The following SLC15A2 variants were observed in gnomAD, a reference collection of about 807,000 sequenced individuals.
SLC15A2 encodes kidney H(+)/peptide cotransporter.
Under a neutral mutation model 95.5 loss-of-function variants are expected in SLC15A2, and 77 were observed. The ratio of observed to expected loss-of-function variants is 0.81; its 90% CI spans 0.67 to 0.97. The LOEUF (loss-of-function observed/expected upper bound fraction) is 0.97. SLC15A2 is among the 50% of genes least tolerant of loss of function. SLC15A2 has a pLI of 0.00. For synonymous variants in SLC15A2, 306 were observed against 306.9 expected (o/e 1.00, Z 0.03); for missense variants, 893 against 874.4 (o/e 1.02, Z -0.27).
intron 3 of SLC15A2, among the ~76,000 whole-genome samples, chr3:121,903,007 C>T (rs1223100844): frequency 6.6e-6 from 1 of 152,220 alleles, no homozygotes; most frequent in Non-Finnish European, 1.5e-5. Flanking sequence ...ACATCCTCTC[C>T]AGCATCTGCT....
chr3:121,937,950 A>T (rs1478452096), intron 19 of SLC15A2, among the ~76,000 whole-genome samples: 1 of 151,172 alleles, frequency 6.6e-6, no homozygotes, highest in Non-Finnish European at 1.5e-5. Context: ...TTTGGTGTGG[A>T]TGTCCTTTCT....
chr3:121,897,565 C>G lies in SLC15A2; in HGVS notation c.335+36C>G, dbSNP rs751755687. On this transcript the variant is annotated intron_variant, in intron 3 of 21. Coordinates refer to ENST00000489711, the MANE Select transcript of SLC15A2 (RefSeq NM_021082.4). ...TGGGAGGTCACATCCCTACAAGTTT[C>G]ACAGGTTGTGCAGAAGGCTATCACT... The G allele has an allele frequency of 2.5e-6, 4 of 1,610,732 alleles. No homozygotes were observed. The South Asian group carries it at 4.4e-5, about 18-fold the overall frequency.
chr3:121,937,206 T>G (rs1710364900), intron 19 of SLC15A2, among the ~76,000 whole-genome samples: 1 of 76,920 alleles, frequency 1.3e-5, no homozygotes, highest in East Asian at 3.5e-4. Context: ...CATTTTTTCC[T>G]TCATTTCAAC....
At chr3:121,912,302 T>C (rs1303394307) in intron 4 of SLC15A2, among the ~76,000 whole-genome samples, 2 of 152,202 alleles carry the variant, frequency 1.3e-5, no homozygotes, top group Non-Finnish European at 2.9e-5. Flanking sequence ...GGTGTGATTT[T>C]GGCTCACTGA....
chr3:121,933,279 T>A (rs1201717981), intron 19 of SLC15A2, among the ~76,000 whole-genome samples: 1 of 151,806 alleles, frequency 6.6e-6, no homozygotes, highest in African/African-American at 2.4e-5. Context: ...ATAAACCCAG[T>A]AATGGGATGG....
chr3:121,926,038 G>T (rs1342143481), intron 13 of SLC15A2, among the ~76,000 whole-genome samples: 2 of 151,882 alleles, frequency 1.3e-5, no homozygotes, highest in African/African-American at 4.8e-5. Context: ...TAAATGTGGT[G>T]TATCACAGAG....
chr3:121,916,182 C>G (rs560673559), intron 7 of SLC15A2, among the ~76,000 whole-genome samples: 248 of 152,198 alleles, frequency 1.6e-3, no homozygotes, highest in Non-Finnish European at 2.7e-3. Flanking sequence ...CTGTAGTGCC[C>G]CCAAAGGGTC....
At chr3:121,933,385 A>C (rs1710271759) in intron 19 of SLC15A2, among the ~76,000 whole-genome samples, 1 of 149,242 alleles carries the variant, frequency 6.7e-6, no homozygotes, top group Non-Finnish European at 1.5e-5. Context: ...CCAACAGTGT[A>C]AAAGTGTTCC....
chr3:121,905,933 A>C (rs1348024140), intron 3 of SLC15A2, among the ~76,000 whole-genome samples: 2 of 152,094 alleles, frequency 1.3e-5, no homozygotes, highest in Non-Finnish European at 2.9e-5. Flanking sequence ...GTTCTGTCTA[A>C]TACTGACAGT....
chr3:121,940,355 G>A (rs35538837), intron 20 of SLC15A2, 29 bp from the exon 21 acceptor site: 34,359 of 1,586,214 alleles, frequency 0.022, 460 homozygotes, highest in Middle Eastern at 0.038. Flanking sequence ...AAGGGGGTTT[G>A]TTTACTTTCA....
intron 3 of SLC15A2, among the ~76,000 whole-genome samples, chr3:121,906,425 C>G (rs187853653): frequency 6.6e-6 from 1 of 152,062 alleles, no homozygotes; most frequent in Non-Finnish European, 1.5e-5. Context: ...TTATTTTGCC[C>G]GTTAGTTGAT....
chr3:121,921,007 T>C (rs1709995008), intron 7 of SLC15A2, among the ~76,000 whole-genome samples: 1 of 152,168 alleles, frequency 6.6e-6, no homozygotes, highest in Non-Finnish European at 1.5e-5. Context: ...AAAACCACTA[T>C]TTTATAACTA....
chr3:121,907,749 CGTCCCAGAGGGACA>C (rs1709682652), intron 3 of SLC15A2, among the ~76,000 whole-genome samples: 1 of 152,172 alleles, frequency 6.6e-6, no homozygotes, highest in Non-Finnish European at 1.5e-5. Flanking sequence ...CTGGAAACTT[CGTCCCAGAGGGACA>C]CCCGCCTGTA....
Position 121,915,332 on chromosome 3 carries a change from G to C in SLC15A2, c.619+15G>C. Reference sequence around the variant, plus strand: ...CATGCTGAGAGGTTAGGATTTTTTTGAGGGGCCCTGTATAAGGCTTTGCTC... The same window carrying C: ...CATGCTGAGAGGTTAGGATTTTTTTCAGGGGCCCTGTATAAGGCTTTGCTC... On this transcript the variant is annotated intron_variant, in intron 6 of 21. Coordinates refer to ENST00000489711, the MANE Select transcript of SLC15A2 (RefSeq NM_021082.4). The C allele has an allele frequency of 7.4e-7, 1 of 1,345,802 alleles. No individual in the cohort carries two copies. The highest frequency in any genetic ancestry group is 1.8e-4 in the Middle Eastern group (1 of 5,614). The allele number at this position is 1,345,802 out of a possible 1,614,324, so 83.4% of individuals were successfully genotyped here.
intron 12 of SLC15A2, 22 bp downstream of exon 12, chr3:121,924,405 A>C: frequency 1.2e-6 from 2 of 1,608,248 alleles, no homozygotes; most frequent in Non-Finnish European, 1.7e-6. Context: ...TTCTATAGCC[A>C]TGGGGACTTA....
chr3:121,932,117 T>G (rs1055169037), intron 19 of SLC15A2, among the ~76,000 whole-genome samples: 4 of 152,166 alleles, frequency 2.6e-5, no homozygotes, highest in Admixed American at 2.6e-4. Context: ...TTGGCCAGGC[T>G]GGTCTCAAAC....
chr3:121,936,045 G>A (rs1710339922), intron 19 of SLC15A2, among the ~76,000 whole-genome samples: 1 of 152,102 alleles, frequency 6.6e-6, no homozygotes, highest in Non-Finnish European at 1.5e-5. Flanking sequence ...TCAGGAGCAG[G>A]TTTTTCAGTT....
chr3:121,929,096 TG>T lies in SLC15A2; in HGVS notation c.1458del (p.Trp486CysfsTer16). 12 of 1,614,052 alleles carry T rather than the reference TG, an allele frequency of 7.4e-6. No homozygotes were observed. Among genetic ancestry groups the T allele is most frequent in the Non-Finnish European group, 1.0e-5 (12 of 1,179,916 alleles). ...TGAGCATTCTGTGCAGGAGAAGAAC[TG>T]GTACAGTCTTGTCATTCGTGAAGAT... The part of the protein sequence containing the change: ...YTEHSVQEKN[W>X]YSLVIREDGN... On this transcript the variant is annotated frameshift_variant, in exon 16 of 22. Transcript: ENST00000489711. LOFTEE classifies it high-confidence loss of function.
At position 121,940,777 on chromosome 3, in the gene SLC15A2, T is replaced by C. The variant is rs1300944842; in HGVS notation, c.2014-54T>C. 6 of 1,548,076 alleles carry C rather than the reference T, an allele frequency of 3.9e-6. No individual in the cohort carries two copies. The African/African-American group carries it at 5.5e-5, about 14-fold the overall frequency. On this transcript the variant is annotated intron_variant, in intron 21 of 21. Transcript: ENST00000489711. Reference sequence around the variant, plus strand: ...CTCCCCACTCCTCATCCTGTAAAGATCTCTTTAGTTTCAGGTTTCTCCATA... The same window carrying C: ...CTCCCCACTCCTCATCCTGTAAAGACCTCTTTAGTTTCAGGTTTCTCCATA...
Sources: allele counts gnomAD v4.1 joint callset (sites outside exome capture counted in the v4.1 genomes callset), GRCh38; gene constraint gnomAD v4.1.1; transcripts MANE v1.5; gene names NCBI Gene and HGNC (gene_info 2026-07-23, HGNC 2026-07-21).